TTC27: variants seen among roughly 807,000 people sequenced by gnomAD.
TTC27 encodes the protein tetratricopeptide repeat domain 27, also known as tetratricopeptide repeat protein 27.
In TTC27, 79 loss-of-function variants were observed where a neutral mutation model predicts 115.9. The observed-to-expected ratio is 0.68, with a 90% CI of 0.57 to 0.82. The LOEUF (loss-of-function observed/expected upper bound fraction) is 0.82. Ranked by LOEUF, TTC27 falls within the 40% of genes least tolerant of loss-of-function variation. The probability of loss-of-function intolerance (pLI) is 0.00; values close to 1 mark genes in which losing one functional copy is unlikely to be tolerated. For missense variants in TTC27, 1,054 were observed against 993.1 expected (o/e 1.06, Z -0.82); for synonymous variants, 401 against 356.0 (o/e 1.13, Z -1.42).
chr2:32,767,765 T>G (rs1669689190), intron 13 of TTC27, among the ~76,000 whole-genome samples: 1 of 152,208 alleles, frequency 6.6e-6, no homozygotes, highest in Non-Finnish European at 1.5e-5. Flanking sequence ...CCGGCCATTA[T>G]AAGTTTTAAT....
intron 3 of TTC27, among the ~76,000 whole-genome samples, chr2:32,637,633 G>A (rs1664479567): frequency 6.6e-6 from 1 of 152,124 alleles, no homozygotes; most frequent in South Asian, 2.1e-4. Context: ...GCCTGGCCAG[G>A]ATTCTCTTTC....
chr2:32,644,417 G>T (rs1435478338), intron 4 of TTC27, among the ~76,000 whole-genome samples: 2 of 151,734 alleles, frequency 1.3e-5, no homozygotes, highest in African/African-American at 4.8e-5. Flanking sequence ...CAACTTAGGA[G>T]AATTAATAAA....
intron 5 of TTC27, among the ~76,000 whole-genome samples, chr2:32,652,093 G>A (rs1486299124): frequency 1.3e-5 from 2 of 152,138 alleles, no homozygotes; most frequent in Non-Finnish European, 2.9e-5. Flanking sequence ...TAGGAGCCGG[G>A]CCAGGCGCGT....
intron 9 of TTC27, among the ~76,000 whole-genome samples, chr2:32,700,185 C>G (rs1379202005): frequency 1.3e-5 from 2 of 152,182 alleles, no homozygotes; most frequent in African/African-American, 4.8e-5. Flanking sequence ...TGGGAACTCT[C>G]ATAGGCTCCA....
At chr2:32,814,765 A>C (rs1671441512) in intron 18 of TTC27, among the ~76,000 whole-genome samples, 1 of 152,188 alleles carries the variant, frequency 6.6e-6, no homozygotes, top group South Asian at 2.1e-4. Flanking sequence ...GTAGCCTAGG[A>C]GTAGTAGGCT....
At chr2:32,744,430 GT>G (rs1383233916) in intron 12 of TTC27, among the ~76,000 whole-genome samples, 1 of 152,108 alleles carries the variant, frequency 6.6e-6, no homozygotes, top group East Asian at 1.9e-4. Context: ...TCTATTTAAT[GT>G]TGACAACAGC....
At chr2:32,705,466 CT>C (rs767149241) in intron 10 of TTC27, among the ~76,000 whole-genome samples, 15 of 152,132 alleles carry the variant, frequency 9.9e-5, no homozygotes, top group Non-Finnish European at 1.5e-4. Flanking sequence ...TTATTCTTTT[CT>C]TTTTACATTT....
At chr2:32,661,342 C>T (rs532006361) in intron 5 of TTC27, among the ~76,000 whole-genome samples, 1 of 152,224 alleles carries the variant, frequency 6.6e-6, no homozygotes, top group South Asian at 2.1e-4. Flanking sequence ...AGCATTGAAT[C>T]TATAAATTAC....
At chr2:32,753,690 G>A (rs536438546) in intron 12 of TTC27, among the ~76,000 whole-genome samples, 22 of 152,036 alleles carry the variant, frequency 1.4e-4, no homozygotes, top group Middle Eastern at 3.4e-3. Flanking sequence ...CAAGTGATCC[G>A]CCCACACTGG....
chr2:32,693,429 C>G (rs1319652379), intron 9 of TTC27, among the ~76,000 whole-genome samples: 1 of 152,212 alleles, frequency 6.6e-6, no homozygotes, highest in Non-Finnish European at 1.5e-5. Context: ...GAGCCAAGAA[C>G]TCTGTGTTTT....
Position 32,800,149 on chromosome 2 carries a change from C to A in TTC27, c.1999-10875C>A, listed in dbSNP as rs75885603. Reference sequence around the variant, plus strand: ...TAAATGAGTTAATATATGTAAAGGGCGGGGAACAGTACCTGGCAGATACAT... The same window carrying A: ...TAAATGAGTTAATATATGTAAAGGGAGGGGAACAGTACCTGGCAGATACAT... On this transcript the variant is annotated intron_variant, in intron 16 of 19. Transcript: ENST00000317907. Among the ~76,000 whole-genome samples, 217 of 152,236 alleles carry A rather than the reference C, an allele frequency of 1.4e-3. 1 individual carries two copies. The highest frequency in any genetic ancestry group is 5.0e-3 in the African/African-American group (206 of 41,548).
intron 13 of TTC27, chr2:32,766,411 C>A: frequency 3.3e-6 from 1 of 300,766 alleles, no homozygotes; most frequent in Non-Finnish European, 6.8e-6. Flanking sequence ...TTTACTTGAA[C>A]GCTGAGAGGC....
chr2:32,638,596 C>G (rs568014612), intron 3 of TTC27, among the ~76,000 whole-genome samples: 2 of 152,012 alleles, frequency 1.3e-5, no homozygotes, highest in Admixed American at 1.3e-4. Flanking sequence ...CCAGGCTGTT[C>G]TCGAACTCCT....
At chr2:32,800,922 T>G (rs113770799) in intron 16 of TTC27, among the ~76,000 whole-genome samples, 1 of 152,116 alleles carries the variant, frequency 6.6e-6, no homozygotes, top group Non-Finnish European at 1.5e-5. Context: ...AAAAAAACAT[T>G]TTTTACCATG....
chr2:32,706,263 A>G (rs1333693401), intron 10 of TTC27, among the ~76,000 whole-genome samples: 1 of 150,262 alleles, frequency 6.7e-6, no homozygotes, highest in African/African-American at 2.5e-5. Flanking sequence ...TTGTATTTTT[A>G]GTAGAGACGG....
rs199904595 is a variant in TTC27 at position 32,640,228 on chromosome 2, T to G, written c.397-42T>G. The G allele has an allele frequency of 2.0e-3, 3,115 of 1,551,092 alleles. 5 individuals carry two copies. Among genetic ancestry groups the G allele is most frequent in the South Asian group, 5.8e-3 (494 of 84,578 alleles). On this transcript the variant is annotated intron_variant, in intron 3 of 19. Transcript: ENST00000317907. ...TTACAAGACATATAAAGATTAATATTTTGTTAAATTATATCATCTTAGTTT... is the reference window on the plus strand; with the variant it reads ...TTACAAGACATATAAAGATTAATATGTTGTTAAATTATATCATCTTAGTTT...
chr2:32,781,653 C>G (rs1670182892), intron 14 of TTC27, among the ~76,000 whole-genome samples: 1 of 152,116 alleles, frequency 6.6e-6, no homozygotes, highest in Admixed American at 6.5e-5. Context: ...GCTCTCTTGA[C>G]CAGGCTAGTC....
rs539230982 is a variant in TTC27 at position 32,628,167 on chromosome 2, G to A, written c.-126G>A. On this transcript the variant is annotated 5_prime_UTR_variant, in exon 1 of 20. In the 5' UTR this introduces an upstream ATG that the reference lacks. Coordinates refer to ENST00000317907, the MANE Select transcript of TTC27 (RefSeq NM_017735.5). ...CGCACATGGAATTCTAGGGCCGCAGGTGTATTTACGGTAACTGTCGCCACT... is the reference window on the plus strand; with the variant it reads ...CGCACATGGAATTCTAGGGCCGCAGATGTATTTACGGTAACTGTCGCCACT... 68 of 836,224 alleles carry A rather than the reference G, an allele frequency of 8.1e-5. No homozygotes were observed. The African/African-American group carries it at 1.1e-3, about 13-fold the overall frequency. The allele number at this position is 836,224 out of a possible 1,614,324, so 51.8% of individuals were successfully genotyped here.
chr2:32,640,487 T>C (rs930552226), intron 4 of TTC27, 77 bp downstream of exon 4: 1 of 1,415,148 alleles, frequency 7.1e-7, no homozygotes, highest in African/African-American at 1.4e-5. Flanking sequence ...GATGTGTTGC[T>C]GACAATGTCT....
Sources: gnomAD v4.1 joint callset for allele counts (sites outside exome capture counted in the v4.1 genomes callset) on GRCh38, gnomAD v4.1.1 for gene constraint, MANE v1.5 for transcripts, NCBI Gene and HGNC (gene_info 2026-07-23, HGNC 2026-07-21) for gene names.